The following SDK1 variants were observed in gnomAD, a reference collection of about 807,000 sequenced individuals.
The protein encoded by SDK1 is sidekick cell adhesion molecule 1.
Under a neutral mutation model 245.5 loss-of-function variants are expected in SDK1, and 157 were observed. The ratio of observed to expected loss-of-function variants is 0.64; its 90% CI spans 0.56 to 0.73. The LOEUF is 0.73. Among genes scored for constraint, SDK1 ranks in the 30% least tolerant of loss-of-function variants. SDK1 has a pLI of 0.00. For synonymous variants in SDK1, 1,647 were observed against 1,278.5 expected (o/e 1.29, Z -6.15); for missense variants, 3,583 against 3,002.3 (o/e 1.19, Z -4.52).
chr7:3,534,973 C>A (rs1298730679), intron 1 of SDK1, among the ~76,000 whole-genome samples: 2 of 152,104 alleles, frequency 1.3e-5, no homozygotes, highest in Non-Finnish European at 2.9e-5. Context: ...GGTGGCCAGC[C>A]TTCCCCGTGG....
chr7:3,371,176 A>G (rs889323569), intron 1 of SDK1, among the ~76,000 whole-genome samples: 2 of 152,188 alleles, frequency 1.3e-5, no homozygotes, highest in African/African-American at 4.8e-5. Context: ...GTTACTAGCC[A>G]GGCTCAGAGG....
intron 1 of SDK1, among the ~76,000 whole-genome samples, chr7:3,354,078 C>T (rs974847074): frequency 1.6e-4 from 24 of 151,498 alleles, no homozygotes; most frequent in South Asian, 6.2e-4. Flanking sequence ...CTGCAAGCTC[C>T]GCCTCCTGGG....
chr7:3,603,934 G>C (rs1489275466), intron 1 of SDK1, among the ~76,000 whole-genome samples: 2 of 152,188 alleles, frequency 1.3e-5, no homozygotes, highest in African/African-American at 4.8e-5. Context: ...CATCTATTGA[G>C]ATAATCATGT....
chr7:3,636,863 A>G (rs910622944), intron 2 of SDK1, among the ~76,000 whole-genome samples: 5 of 151,978 alleles, frequency 3.3e-5, no homozygotes, highest in South Asian at 4.2e-4. Flanking sequence ...TCATTTTTCG[A>G]TAGTAGCCAT....
chr7:4,197,142 C>T (rs1014222416), intron 35 of SDK1, among the ~76,000 whole-genome samples: 7 of 152,144 alleles, frequency 4.6e-5, no homozygotes, highest in African/African-American at 1.7e-4. Flanking sequence ...CTGGCCAGGA[C>T]AGAGACTGGT....
intron 4 of SDK1, among the ~76,000 whole-genome samples, chr7:3,660,441 A>C (rs1178228792): frequency 6.6e-6 from 1 of 152,178 alleles, no homozygotes. Context: ...AAGCATAGAA[A>C]GAGAATGGGG....
intron 5 of SDK1, among the ~76,000 whole-genome samples, chr7:3,850,093 T>C (rs1239883571): frequency 2.0e-5 from 3 of 152,224 alleles, no homozygotes; most frequent in African/African-American, 7.2e-5. Context: ...CAAGGTATTT[T>C]CTTCCACATT....
chr7:3,951,901 G>T lies in SDK1; in HGVS notation c.1131G>T (p.Thr377=), dbSNP rs766375512. 3.7e-6 allele frequency: 6 copies of T among 1,612,900 alleles called. 1 individual carries two copies. The South Asian group carries it at 6.6e-5, about 18-fold the overall frequency. ...GCGCTTTTGAACCGGCCAGGGCGAC[G>T]GCCTTTCTTTTCATCATAGGTAATG... ...PGSAFEPARA[T]AFLFIIEPPY... is the part of the protein sequence containing the mutation. Residue 377 remains threonine, a synonymous_variant, in exon 7 of 45, where the codon ACG becomes ACT. Transcript: ENST00000404826.
chr7:4,132,060 G>T (rs1455267434), intron 27 of SDK1, among the ~76,000 whole-genome samples: 1 of 152,032 alleles, frequency 6.6e-6, no homozygotes, highest in Non-Finnish European at 1.5e-5. Flanking sequence ...ACTATTCCTG[G>T]CATAGTTCGT....
At chr7:3,755,867 C>T (rs148391843) in intron 4 of SDK1, among the ~76,000 whole-genome samples, 379 of 152,290 alleles carry the variant, frequency 2.5e-3, no homozygotes, top group Non-Finnish European at 3.8e-3. Flanking sequence ...TGGCATAGTG[C>T]GTGTGACACA....
At chr7:3,696,078 T>C (rs1258275708) in intron 4 of SDK1, among the ~76,000 whole-genome samples, 2 of 152,148 alleles carry the variant, frequency 1.3e-5, no homozygotes, top group African/African-American at 4.8e-5. Context: ...CTTGTTCTTA[T>C]GCAATACTTG....
At chr7:3,652,319 A>T (rs908291426) in intron 4 of SDK1, among the ~76,000 whole-genome samples, 1 of 152,084 alleles carries the variant, frequency 6.6e-6, no homozygotes, top group Non-Finnish European at 1.5e-5. Flanking sequence ...GAGCCAGGAG[A>T]GAGTGAGGAT....
At chr7:4,230,438 G>A (rs1009680570) in intron 40 of SDK1, among the ~76,000 whole-genome samples, 3 of 135,026 alleles carry the variant, frequency 2.2e-5, no homozygotes, top group African/African-American at 8.2e-5. Context: ...GGAAGGGAGG[G>A]CACAGGAGGA....
chr7:4,176,770 G>A (rs1214096666), intron 34 of SDK1, among the ~76,000 whole-genome samples: 1 of 152,180 alleles, frequency 6.6e-6, no homozygotes, highest in Admixed American at 6.5e-5. Context: ...TGTTTCATGA[G>A]CTTAACGTCT....
At chr7:4,072,049 T>G (rs531640469) in intron 20 of SDK1, among the ~76,000 whole-genome samples, 1 of 152,362 alleles carries the variant, frequency 6.6e-6, no homozygotes, top group East Asian at 1.9e-4. Flanking sequence ...GGCTAAGCAG[T>G]GGTTGCCAAT....
At chr7:3,828,830 C>A (rs1779844137) in intron 5 of SDK1, among the ~76,000 whole-genome samples, 1 of 149,768 alleles carries the variant, frequency 6.7e-6, no homozygotes, top group Non-Finnish European at 1.5e-5. Flanking sequence ...TTTTTAATTT[C>A]TTTTTTTTTG....
chr7:3,929,628 G>A (rs909709542), intron 5 of SDK1, among the ~76,000 whole-genome samples: 1 of 152,146 alleles, frequency 6.6e-6, no homozygotes, highest in Non-Finnish European at 1.5e-5. Context: ...GTTATCTTTT[G>A]TAATATACTC....
chr7:3,434,959 G>A (rs939931071), intron 1 of SDK1, among the ~76,000 whole-genome samples: 1 of 152,232 alleles, frequency 6.6e-6, no homozygotes, highest in African/African-American at 2.4e-5. Flanking sequence ...AGATGATGAA[G>A]TAAAATTTTA....
intron 1 of SDK1, among the ~76,000 whole-genome samples, chr7:3,574,977 T>A (rs1417960228): frequency 6.6e-6 from 1 of 152,066 alleles, no homozygotes; most frequent in Non-Finnish European, 1.5e-5. Context: ...TGTCTGGAGT[T>A]ACCCTTTCTG....
Sources: allele counts gnomAD v4.1 joint callset (sites outside exome capture counted in the v4.1 genomes callset), GRCh38; gene constraint gnomAD v4.1.1; transcripts MANE v1.5; gene names NCBI Gene and HGNC (gene_info 2026-07-23, HGNC 2026-07-21).